Variants in PDE4D observed in about 807,000 individuals in gnomAD.
The protein encoded by PDE4D is 3',5'-cyclic-AMP phosphodiesterase 4D.
In PDE4D, 24 loss-of-function variants were observed where a neutral mutation model predicts 87.4. The observed-to-expected ratio is 0.27, with a 90% CI of 0.20 to 0.39. The LOEUF (loss-of-function observed/expected upper bound fraction) is 0.39, where lower values mean the gene tolerates loss of function less well. PDE4D is among the 10% of genes least tolerant of loss of function. PDE4D has a pLI of 1.00. For synonymous variants in PDE4D, 384 were observed against 383.2 expected (o/e 1.00, Z -0.02); for missense variants, 714 against 1,041.0 (o/e 0.69, Z 4.32).
intron 1 of PDE4D, among the ~76,000 whole-genome samples, chr5:60,255,256 T>A (rs1748919997): frequency 6.6e-6 from 1 of 151,904 alleles, no homozygotes; most frequent in Non-Finnish European, 1.5e-5. Context: ...CATCACTATG[T>A]GGGAGACTAC....
chr5:59,352,020 T>A (rs1478972215), intron 1 of PDE4D, among the ~76,000 whole-genome samples: 1 of 152,150 alleles, frequency 6.6e-6, no homozygotes, highest in Admixed American at 6.6e-5. Flanking sequence ...TTCACACCTG[T>A]GCAGGTTTCT....
chr5:59,472,130 T>C (rs1802544243), intron 1 of PDE4D, among the ~76,000 whole-genome samples: 1 of 152,144 alleles, frequency 6.6e-6, no homozygotes, highest in Admixed American at 6.6e-5. Context: ...GTCTTGGAAA[T>C]ATAATATTTT....
At chr5:59,554,678 C>A (rs1355628449) in intron 1 of PDE4D, among the ~76,000 whole-genome samples, 1 of 152,086 alleles carries the variant, frequency 6.6e-6, no homozygotes, top group African/African-American at 2.4e-5. Flanking sequence ...CAATGAAATA[C>A]AACTGAAACT....
intron 1 of PDE4D, among the ~76,000 whole-genome samples, chr5:60,187,698 A>G: frequency 6.6e-6 from 1 of 152,198 alleles, no homozygotes; most frequent in East Asian, 1.9e-4. Context: ...AGAAATTTCA[A>G]TAGGCAGAGA....
At chr5:59,788,467 A>G (rs1765411620) in intron 1 of PDE4D, among the ~76,000 whole-genome samples, 1 of 152,236 alleles carries the variant, frequency 6.6e-6, no homozygotes, top group South Asian at 2.1e-4. Context: ...AGAGCTTTTA[A>G]GTAAAGAGAT....
intron 1 of PDE4D, among the ~76,000 whole-genome samples, chr5:59,232,166 A>C (rs1010315748): frequency 5.3e-5 from 8 of 152,112 alleles, no homozygotes; most frequent in African/African-American, 1.7e-4. Flanking sequence ...AAAACAGGCA[A>C]ATGGGACTAT....
chr5:59,931,818 C>G (rs1450858121), intron 3 of PDE4D, among the ~76,000 whole-genome samples: 1 of 151,636 alleles, frequency 6.6e-6, no homozygotes, highest in Non-Finnish European at 1.5e-5. Context: ...TCTCCTGCCT[C>G]AGCCTCCTGA....
At chr5:59,492,794 G>C (rs1806456466) in intron 1 of PDE4D, among the ~76,000 whole-genome samples, 1 of 152,120 alleles carries the variant, frequency 6.6e-6, no homozygotes, top group Non-Finnish European at 1.5e-5. Flanking sequence ...ATTATGGGGT[G>C]GGTCTTTCTC....
intron 1 of PDE4D, among the ~76,000 whole-genome samples, chr5:59,611,402 G>C (rs1192911464): frequency 6.6e-6 from 1 of 152,092 alleles, no homozygotes. Flanking sequence ...AGAATTTTGG[G>C]AGGACACAAG....
chr5:59,120,903 CAGAG>C (rs1774381857), intron 5 of PDE4D, among the ~76,000 whole-genome samples: 1 of 152,030 alleles, frequency 6.6e-6, no homozygotes, highest in Admixed American at 6.6e-5. Flanking sequence ...TTAGAGTAGA[CAGAG>C]AGCATAATGA....
At chr5:59,563,944 C>A (rs1820472641) in intron 1 of PDE4D, among the ~76,000 whole-genome samples, 1 of 152,056 alleles carries the variant, frequency 6.6e-6, no homozygotes, top group African/African-American at 2.4e-5. Flanking sequence ...TTGGAATAAG[C>A]AAGACAAACT....
At position 59,668,827 on chromosome 5, in the gene PDE4D, A is replaced by AGAAGAGGAAGAG. The variant is rs1554056662; in HGVS notation, c.455+224329_455+224340dup. ...AGAAAGAAGAAGAAGAAGAAGAAGA[A>AGAAGAGGAAGAG]GAAGAGGAAGAGGAAGAGGAAGAAG... is the stretch of plus-strand genomic sequence containing the variant. On this transcript the variant is annotated intron_variant, in intron 1 of 14. Transcript: ENST00000340635. Among the ~76,000 whole-genome samples, 100 of 76,940 alleles carry AGAAGAGGAAGAG rather than the reference A, an allele frequency of 1.3e-3. 5 individuals carry two copies. Among genetic ancestry groups the AGAAGAGGAAGAG allele is most frequent in the Admixed American group, 2.3e-3 (17 of 7,320 alleles). 50.5% of individuals were successfully genotyped at this position (76,940 alleles called of 152,430 possible). A position where few individuals can be genotyped will look rare whatever the true frequency, so the allele number is the denominator to read the frequency against.
intron 1 of PDE4D, among the ~76,000 whole-genome samples, chr5:59,591,574 A>G (rs918607403): frequency 2.0e-5 from 3 of 152,322 alleles, no homozygotes; most frequent in Non-Finnish European, 2.9e-5. Flanking sequence ...GATGAAATAA[A>G]ACTCCTGTAT....
intron 5 of PDE4D, among the ~76,000 whole-genome samples, chr5:59,165,318 G>A (rs1223519124): frequency 6.6e-6 from 1 of 152,044 alleles, no homozygotes; most frequent in African/African-American, 2.4e-5. Flanking sequence ...CTGTTATCCA[G>A]GCTGGAGTGC....
intron 1 of PDE4D, among the ~76,000 whole-genome samples, chr5:59,572,893 A>G (rs746274485): frequency 1.3e-5 from 2 of 152,258 alleles, no homozygotes; most frequent in Non-Finnish European, 2.9e-5. Flanking sequence ...GAGAGGAACT[A>G]AAATATATCA....
chr5:59,021,752 A>G (rs925612822), intron 6 of PDE4D, among the ~76,000 whole-genome samples: 1 of 152,226 alleles, frequency 6.6e-6, no homozygotes. Context: ...CTCAGAATTT[A>G]GGAGATTTAA....
intron 1 of PDE4D, among the ~76,000 whole-genome samples, chr5:59,502,663 A>AGTGTGTGTGT (rs56100725): frequency 3.0e-4 from 41 of 135,256 alleles, no homozygotes; most frequent in South Asian, 5.1e-4. Context: ...TCCTTAAGGT[A>AGTGTGTGTGT]GTGTGTGTGT....
chr5:59,531,338 C>T lies in PDE4D; in HGVS notation c.456-315370G>A, dbSNP rs1029955063. Among the ~76,000 whole-genome samples the T allele has an allele frequency of 2.0e-5, 3 of 152,276 alleles. No individual in the cohort carries two copies. The East Asian group carries it at 5.8e-4, about 29-fold the overall frequency. On this transcript the variant is annotated intron_variant, in intron 1 of 14. Coordinates refer to ENST00000340635, the MANE Select transcript of PDE4D (RefSeq NM_001104631.2). The stretch of plus-strand genomic sequence containing the variant: ...GGCTACCCTATTCAAAATTGCATCC[C>T]TACTGATAACTTCCTATGTCATTCC...
At chr5:60,505,702 C>A (rs905108833) in intron 1 of PDE4D, among the ~76,000 whole-genome samples, 2 of 152,220 alleles carry the variant, frequency 1.3e-5, no homozygotes, top group Non-Finnish European at 2.9e-5. Flanking sequence ...CAAATACCTA[C>A]TTTACATTCT....
Sources: allele counts gnomAD v4.1 joint callset (sites outside exome capture counted in the v4.1 genomes callset), GRCh38; gene constraint gnomAD v4.1.1; transcripts MANE v1.5; gene names NCBI Gene and HGNC (gene_info 2026-07-23, HGNC 2026-07-21).